NKAIN2: variants seen among roughly 807,000 people sequenced by gnomAD.
NKAIN2 encodes sodium/potassium-transporting ATPase subunit beta-1-interacting protein 2.
A neutral mutation model predicts 32.6 loss-of-function variants in NKAIN2; 14 were observed. That is an observed-to-expected ratio of 0.43 (90% CI 0.28 to 0.67). The LOEUF (loss-of-function observed/expected upper bound fraction) is 0.67. Among genes scored for constraint, NKAIN2 ranks in the 30% least tolerant of loss-of-function variants. The pLI is 0.17. For synonymous variants in NKAIN2, 80 were observed against 87.2 expected (o/e 0.92, Z 0.46); for missense variants, 198 against 258.3 (o/e 0.77, Z 1.60).
At chr6:123,904,482 A>G (rs897283048) in intron 1 of NKAIN2, among the ~76,000 whole-genome samples, 1 of 152,168 alleles carries the variant, frequency 6.6e-6, no homozygotes, top group Non-Finnish European at 1.5e-5. Flanking sequence ...CATTAGATTT[A>G]CCTAATGGTT....
At chr6:124,516,350 A>G (rs1371761027) in intron 3 of NKAIN2, among the ~76,000 whole-genome samples, 1 of 152,172 alleles carries the variant, frequency 6.6e-6, no homozygotes, top group African/African-American at 2.4e-5. Context: ...GTTTCATGAA[A>G]TACTAGACAA....
intron 4 of NKAIN2, among the ~76,000 whole-genome samples, chr6:124,758,951 C>G (rs1778088696): frequency 6.6e-6 from 1 of 152,128 alleles, no homozygotes; most frequent in Non-Finnish European, 1.5e-5. Context: ...TTATGAGGAG[C>G]CTATCCTTCA....
chr6:124,610,591 A>C (rs1327214154), intron 3 of NKAIN2, among the ~76,000 whole-genome samples: 3 of 152,150 alleles, frequency 2.0e-5, no homozygotes, highest in African/African-American at 7.2e-5. Flanking sequence ...CAGAATTATC[A>C]TACACTTTGC....
intron 3 of NKAIN2, among the ~76,000 whole-genome samples, chr6:124,472,972 C>T (rs1777036429): frequency 6.6e-6 from 1 of 152,080 alleles, no homozygotes; most frequent in Admixed American, 6.6e-5. Flanking sequence ...TACTCTCTGC[C>T]TCCTCTCGCT....
chr6:124,509,611 T>C (rs747182690), intron 3 of NKAIN2, among the ~76,000 whole-genome samples: 3 of 152,206 alleles, frequency 2.0e-5, no homozygotes, highest in Non-Finnish European at 2.9e-5. Context: ...ACTCAGGAAA[T>C]TGCTGCATTT....
At chr6:124,605,942 T>C (rs899496094) in intron 3 of NKAIN2, among the ~76,000 whole-genome samples, 5 of 151,996 alleles carry the variant, frequency 3.3e-5, no homozygotes, top group Admixed American at 2.6e-4. Flanking sequence ...GTGCCTCCAA[T>C]GGTTTTGTTT....
intron 2 of NKAIN2, among the ~76,000 whole-genome samples, chr6:124,301,053 C>T (rs1014444924): frequency 3.9e-5 from 6 of 152,198 alleles, no homozygotes; most frequent in Non-Finnish European, 8.8e-5. Flanking sequence ...GCAGCAGCCC[C>T]TCCCATCACA....
intron 1 of NKAIN2, among the ~76,000 whole-genome samples, chr6:124,278,666 TATATA>T (rs1795153656): frequency 8.4e-6 from 1 of 119,260 alleles, no homozygotes; most frequent in East Asian, 2.1e-4. Context: ...TATATATATA[TATATA>T]TATATATATA....
intron 1 of NKAIN2, among the ~76,000 whole-genome samples, chr6:123,877,993 G>A (rs955450377): frequency 6.6e-6 from 1 of 152,172 alleles, no homozygotes; most frequent in African/African-American, 2.4e-5. Context: ...TTGGGAGGCT[G>A]TGGGGGGCAG....
chr6:124,159,457 T>C (rs879346729), intron 1 of NKAIN2, among the ~76,000 whole-genome samples: 2 of 152,138 alleles, frequency 1.3e-5, no homozygotes, highest in African/African-American at 2.4e-5. Flanking sequence ...GAATGTAACA[T>C]GTACTTGAAA....
rs999986662 is a variant in NKAIN2, at chr6:123,997,765, G to A, written c.54+193511G>A. 2.0e-5 allele frequency among the ~76,000 whole-genome samples: 3 copies of A among 151,552 alleles called. No homozygotes were observed. The South Asian group carries it at 6.3e-4, about 32-fold the overall frequency. ...ACTACAGGCGCCTGCCACCACGCCCGGCTAATTTTTTGTATTTTTAGTAGA... is the reference window on the plus strand; with the variant it reads ...ACTACAGGCGCCTGCCACCACGCCCAGCTAATTTTTTGTATTTTTAGTAGA... On this transcript the variant is annotated intron_variant, in intron 1 of 6. Transcript: ENST00000368417.
intron 4 of NKAIN2, among the ~76,000 whole-genome samples, chr6:124,710,875 G>T (rs1043937735): frequency 4.0e-5 from 6 of 150,820 alleles, no homozygotes; most frequent in African/African-American, 1.5e-4. Flanking sequence ...CTGTCATTAT[G>T]ATGTTAGCTG....
At chr6:123,959,819 G>A (rs1327410697) in intron 1 of NKAIN2, among the ~76,000 whole-genome samples, 2 of 151,612 alleles carry the variant, frequency 1.3e-5, no homozygotes, top group African/African-American at 2.4e-5. Flanking sequence ...TGTATATGGG[G>A]GTGGGGGGTA....
chr6:124,150,689 G>A (rs1477360749), intron 1 of NKAIN2, among the ~76,000 whole-genome samples: 2 of 152,078 alleles, frequency 1.3e-5, no homozygotes, highest in African/African-American at 2.4e-5. Context: ...AAGCATATCT[G>A]TAATGTCGGT....
At chr6:124,695,984 A>G (rs1247258032) in intron 4 of NKAIN2, among the ~76,000 whole-genome samples, 1 of 152,194 alleles carries the variant, frequency 6.6e-6, no homozygotes, top group Non-Finnish European at 1.5e-5. Context: ...TGAAGAATGG[A>G]CAGCCTTGTA....
At chr6:124,638,175 T>G (rs1251494735) in intron 3 of NKAIN2, among the ~76,000 whole-genome samples, 1 of 152,182 alleles carries the variant, frequency 6.6e-6, no homozygotes, top group Non-Finnish European at 1.5e-5. Flanking sequence ...GAATCGGCTC[T>G]TCAATACATA....
intron 2 of NKAIN2, among the ~76,000 whole-genome samples, chr6:124,318,321 A>AT (rs572955013): frequency 7.3e-5 from 11 of 149,716 alleles, no homozygotes; most frequent in African/African-American, 2.0e-4. Flanking sequence ...TCAGCTACTG[A>AT]TTTTTTTTTT....
chr6:124,004,707 G>C (rs778169136), intron 1 of NKAIN2, among the ~76,000 whole-genome samples: 52 of 151,780 alleles, frequency 3.4e-4, no homozygotes, highest in Non-Finnish European at 5.0e-4. Flanking sequence ...ACCGGGGCCT[G>C]TCAGGTGGTG....
At chr6:124,276,237 A>G (rs762338669) in intron 1 of NKAIN2, among the ~76,000 whole-genome samples, 1 of 151,910 alleles carries the variant, frequency 6.6e-6, no homozygotes, top group Admixed American at 6.6e-5. Flanking sequence ...CTACTAAATT[A>G]GGATAAATTA....
Sources: gnomAD v4.1 joint callset for allele counts (sites outside exome capture counted in the v4.1 genomes callset) on GRCh38, gnomAD v4.1.1 for gene constraint, MANE v1.5 for transcripts, NCBI Gene and HGNC (gene_info 2026-07-23, HGNC 2026-07-21) for gene names.